RNF111: variants seen among roughly 807,000 people sequenced by gnomAD.
RNF111 encodes the protein ring finger protein 111.
A neutral mutation model predicts 95.1 loss-of-function variants in RNF111; 17 were observed. That is an observed-to-expected ratio of 0.18 (90% CI 0.12 to 0.27). The LOEUF (loss-of-function observed/expected upper bound fraction) is 0.27, where lower values mean the gene tolerates loss of function less well. Ranked by LOEUF, RNF111 falls within the 10% of genes least tolerant of loss-of-function variation. The pLI, the probability that RNF111 is intolerant of heterozygous loss-of-function variation, is 1.00. For missense variants in RNF111, 1,189 were observed against 1,210.4 expected (o/e 0.98, Z 0.26); for synonymous variants, 440 against 414.8 (o/e 1.06, Z -0.74).
chr15:59,072,450 C>CTTTTTTT (rs35989790), intron 6 of RNF111, among the ~76,000 whole-genome samples: 8 of 102,768 alleles, frequency 7.8e-5, no homozygotes, highest in African/African-American at 1.2e-4. Flanking sequence ...TCATTTCCAT[C>CTTTTTTT]TTTTTTTTTT....
chr15:59,011,625 C>A (rs1039843535), intron 1 of RNF111, among the ~76,000 whole-genome samples: 2 of 152,152 alleles, frequency 1.3e-5, no homozygotes, highest in African/African-American at 4.8e-5. Context: ...GCTGTGTTCT[C>A]ACATAATCTT....
intron 7 of RNF111, among the ~76,000 whole-genome samples, chr15:59,078,277 C>G (rs181088404): frequency 1.5e-3 from 229 of 152,244 alleles, no homozygotes; most frequent in African/African-American, 5.0e-3. Flanking sequence ...GAATATGTCT[C>G]TCTCTGCTTT....
At position 59,096,357 on chromosome 15, in the gene RNF111, G is replaced by C. The variant is rs1482926640; in HGVS notation, c.*1457G>C. The stretch of plus-strand genomic sequence containing the variant: ...CATGTTCCCATGGATCATATGTGAA[G>C]ATGTCAATAAGCTTGCATTAAGCCA... On this transcript the variant is annotated 3_prime_UTR_variant, in exon 14 of 14. Coordinates refer to ENST00000348370, the MANE Select transcript of RNF111 (RefSeq NM_017610.8). The C allele has an allele frequency of 1.6e-5, 5 of 319,560 alleles. No individual in the cohort carries two copies. The Middle Eastern group carries it at 2.5e-3, about 161-fold the overall frequency. The allele number at this position is 319,560 out of a possible 1,614,324, so 19.8% of individuals were successfully genotyped here. A position where few individuals can be genotyped will look rare whatever the true frequency, so the allele number is the denominator to read the frequency against.
At chr15:59,058,243 T>C (rs187258596) in intron 4 of RNF111, 113 bp from the exon 5 acceptor site, 8 of 820,190 alleles carry the variant, frequency 9.8e-6, no homozygotes, top group Non-Finnish European at 1.3e-5. Flanking sequence ...TTAGAGAGCT[T>C]GTATTTTTAA....
intron 6 of RNF111, among the ~76,000 whole-genome samples, chr15:59,069,619 G>T (rs2042820628): frequency 6.6e-6 from 1 of 152,112 alleles, no homozygotes; most frequent in African/African-American, 2.4e-5. Context: ...AACAAAACTT[G>T]AGAAGAATCA....
chr15:59,054,428 C>G (rs757731662), intron 3 of RNF111, among the ~76,000 whole-genome samples: 1 of 152,044 alleles, frequency 6.6e-6, no homozygotes, highest in Non-Finnish European at 1.5e-5. Context: ...CCTATAACTT[C>G]CTTCAGCTAT....
chr15:59,031,690 G>C lies in RNF111; in HGVS notation c.868G>C (p.Ala290Pro), dbSNP rs770874215. 1.2e-6 allele frequency: 2 copies of C among 1,613,134 alleles called. No individual in the cohort carries two copies. The highest frequency in any genetic ancestry group is 1.7e-5 in the Admixed American group (1 of 59,876). Reference sequence around the variant, plus strand: ...CAGTGAAAACCACCAAAACAATCCAGCTGTTCCCTCAGGTAAAAATGTTTA... The same window carrying C: ...CAGTGAAAACCACCAAAACAATCCACCTGTTCCCTCAGGTAAAAATGTTTA... ...SASENHQNNP[A>P]VPSGSIDEDV... The change falls in exon 2 of 14, where the codon GCT becomes CCT. Residue 290 changes from alanine (A) to proline (P), a missense_variant. Around this residue, in one of 2 missense-constraint regions of RNF111, gnomAD observed 1,024 missense variants for 925.9 expected, o/e 1.11. Coordinates refer to ENST00000348370, the MANE Select transcript of RNF111 (RefSeq NM_017610.8).
At chr15:59,068,849 G>T (rs1461654599) in intron 6 of RNF111, among the ~76,000 whole-genome samples, 1 of 151,844 alleles carries the variant, frequency 6.6e-6, no homozygotes, top group East Asian at 1.9e-4. Flanking sequence ...GGCCAAAGTG[G>T]GTGGATCACG....
intron 6 of RNF111, 61 bp from the exon 7 acceptor site, chr15:59,075,893 A>C (rs1451028648): frequency 6.5e-7 from 1 of 1,543,886 alleles, no homozygotes; most frequent in African/African-American, 1.4e-5. Flanking sequence ...TACTTTTATA[A>C]TATAACATGA....
Position 59,030,752 on chromosome 15 carries a change from A to G in RNF111, c.-19-52A>G, listed in dbSNP as rs1165457708. The stretch of plus-strand genomic sequence containing the variant: ...GAATTTGAGAACTCTTCAATTAAAT[A>G]GTATAATAAAACACATTAAAAATCT... On this transcript the variant is annotated intron_variant, in intron 1 of 13. Transcript: ENST00000348370. 8.0e-6 allele frequency: 10 copies of G among 1,250,844 alleles called. No homozygotes were observed. The Admixed American group carries it at 1.7e-4, about 22-fold the overall frequency. 77.5% of individuals were successfully genotyped at this position (1,250,844 alleles called of 1,614,324 possible). A position where few individuals can be genotyped will look rare whatever the true frequency, so the allele number is the denominator to read the frequency against.
Position 59,060,173 on chromosome 15 carries a change from G to T in RNF111, c.1366+1623G>T, listed in dbSNP as rs528964820. Among the ~76,000 whole-genome samples, 22 of 152,242 alleles carry T rather than the reference G, an allele frequency of 1.4e-4. No homozygotes were observed. The East Asian group carries it at 3.9e-3, about 27-fold the overall frequency. Reference sequence around the variant, plus strand: ...CAGGTGTGAACCACTGTACCCAGGGGTGTCTTTTAAAAACATTCTCTGAAA... The same window carrying T: ...CAGGTGTGAACCACTGTACCCAGGGTTGTCTTTTAAAAACATTCTCTGAAA... On this transcript the variant is annotated intron_variant, in intron 5 of 13. Coordinates refer to ENST00000348370, the MANE Select transcript of RNF111 (RefSeq NM_017610.8).
intron 6 of RNF111, among the ~76,000 whole-genome samples, chr15:59,071,123 CT>C (rs1315470571): frequency 4.6e-5 from 7 of 151,758 alleles, no homozygotes; most frequent in African/African-American, 1.7e-4. Context: ...TGGTGAAACC[CT>C]GTCTCTACTA....
At chr15:59,083,312 C>A (rs1029934397) in intron 8 of RNF111, among the ~76,000 whole-genome samples, 2 of 151,956 alleles carry the variant, frequency 1.3e-5, no homozygotes, top group Non-Finnish European at 2.9e-5. Context: ...CTTTGGGAGG[C>A]CAAGGTGGGC....
chr15:59,062,194 T>C (rs1332721464), intron 5 of RNF111, among the ~76,000 whole-genome samples: 12 of 151,842 alleles, frequency 7.9e-5, no homozygotes, highest in African/African-American at 2.9e-4. Flanking sequence ...AGGCACACTC[T>C]ACCACACCTG....
intron 2 of RNF111, chr15:59,049,733 T>G (rs2041884928): frequency 6.6e-6 from 1 of 150,434 alleles, no homozygotes; most frequent in Admixed American, 6.9e-5. Context: ...GCCATTTTCT[T>G]TTTCTTTCTT....
At chr15:59,065,010 G>T (rs190034656) in intron 5 of RNF111, among the ~76,000 whole-genome samples, 8 of 151,880 alleles carry the variant, frequency 5.3e-5, no homozygotes, top group African/African-American at 1.9e-4. Flanking sequence ...TTGTAAACAA[G>T]CAGAAGATTC....
intron 2 of RNF111, among the ~76,000 whole-genome samples, chr15:59,041,680 A>G (rs1206518559): frequency 6.6e-6 from 1 of 152,214 alleles, no homozygotes; most frequent in Non-Finnish European, 1.5e-5. Context: ...GGATAAATGC[A>G]TATGTTATTT....
intron 1 of RNF111, among the ~76,000 whole-genome samples, chr15:59,020,309 A>T (rs2040275281): frequency 6.6e-6 from 1 of 151,444 alleles, no homozygotes; most frequent in African/African-American, 2.4e-5. Flanking sequence ...ATATATAGTA[A>T]TTAATTAGCA....
At chr15:59,054,266 T>C (rs1233649965) in intron 3 of RNF111, among the ~76,000 whole-genome samples, 1 of 152,174 alleles carries the variant, frequency 6.6e-6, no homozygotes, top group Non-Finnish European at 1.5e-5. Flanking sequence ...AGTATTTCTT[T>C]GTTTTAGAGT....
Sources: gnomAD v4.1 joint callset for allele counts (sites outside exome capture counted in the v4.1 genomes callset) on GRCh38, gnomAD v4.1.1 for gene constraint, gnomAD v4.1.1 regional missense constraint, MANE v1.5 for transcripts, NCBI Gene and HGNC (gene_info 2026-07-23, HGNC 2026-07-21) for gene names.